Variants in CCNJ observed in about 807,000 individuals in gnomAD.
CCNJ encodes the protein cyclin J, also known as cyclin-J.
In CCNJ, 12 loss-of-function variants were observed where a neutral mutation model predicts 41.4. The ratio of observed to expected loss-of-function variants is 0.29; its 90% CI spans 0.19 to 0.47. The LOEUF (loss-of-function observed/expected upper bound fraction) is 0.47, where lower values mean the gene tolerates loss of function less well. Ranked by LOEUF, CCNJ falls within the 20% of genes least tolerant of loss-of-function variation. CCNJ has a pLI of 1.00. For synonymous variants in CCNJ, 161 were observed against 173.4 expected, an observed-to-expected ratio of 0.93 and a Z score of 0.56; for missense variants, 340 against 464.6, an observed-to-expected ratio of 0.73 and a Z score of 2.47.
At position 96,059,399 on chromosome 10, in the gene CCNJ, G is replaced by C. The variant is rs546380227; in HGVS notation, c.*1158G>C. On this transcript the variant is annotated 3_prime_UTR_variant, in exon 6 of 6. Transcript: ENST00000465148. ...AAAGGTAACTGATGACTAAATTTCA[G>C]TAGCTACTTTCATTGGATTGACCCT... The C allele has an allele frequency of 6.5e-6, 1 of 152,752 alleles. No individual in the cohort carries two copies. The highest frequency in any genetic ancestry group is 6.5e-5 in the Admixed American group (1 of 15,294). 9.5% of individuals were successfully genotyped at this position (152,752 alleles called of 1,614,324 possible).
At chr10:96,057,285 A>G in intron 5 of CCNJ, 38 bp downstream of exon 5, 1 of 1,578,820 alleles carries the variant, frequency 6.3e-7, no homozygotes, top group Non-Finnish European at 8.7e-7. Context: ...CTTTCTCATT[A>G]ACAGTTTTCT....
At chr10:96,055,936 T>G (rs2080673188) in intron 3 of CCNJ, among the ~76,000 whole-genome samples, 1 of 152,236 alleles carries the variant, frequency 6.6e-6, no homozygotes, top group African/African-American at 2.4e-5. Flanking sequence ...ATTGAGATTA[T>G]GTTGATGCCA....
chr10:96,052,288 T>G (rs905572603), intron 3 of CCNJ, among the ~76,000 whole-genome samples: 2 of 152,234 alleles, frequency 1.3e-5, no homozygotes, highest in African/African-American at 4.8e-5. Context: ...AGTTTAGATG[T>G]GTGAGTCCAC....
At position 96,059,375 on chromosome 10, in the gene CCNJ, A is replaced by C. The variant is rs376778882; in HGVS notation, c.*1134A>C. On this transcript the variant is annotated 3_prime_UTR_variant, in exon 6 of 6. Coordinates refer to ENST00000465148, the MANE Select transcript of CCNJ (RefSeq NM_001134375.2). Reference sequence around the variant, plus strand: ...CAGCTCTAGTCAGTCTAAGCAGGCAAAGGTAACTGATGACTAAATTTCAGT... The same window carrying C: ...CAGCTCTAGTCAGTCTAAGCAGGCACAGGTAACTGATGACTAAATTTCAGT... 2 of 152,658 alleles carry C rather than the reference A, an allele frequency of 1.3e-5. No homozygotes were observed. Among genetic ancestry groups the C allele is most frequent in the African/African-American group, 2.4e-5 (1 of 41,468 alleles). The allele number at this position is 152,658 out of a possible 1,614,324, so 9.5% of individuals were successfully genotyped here.
At chr10:96,055,084 C>T (rs768777298) in intron 3 of CCNJ, among the ~76,000 whole-genome samples, 2 of 152,136 alleles carry the variant, frequency 1.3e-5, no homozygotes, top group Non-Finnish European at 2.9e-5. Context: ...ATACAGACCA[C>T]TTTAGTGCTT....
In CCNJ at chr10:96,060,477, G is replaced by A. The variant is rs1305646180; in HGVS notation, c.*2236G>A. 6.5e-5 allele frequency: 10 copies of A among 152,706 alleles called. No homozygotes were observed. The highest frequency in any genetic ancestry group is 1.3e-4 in the Admixed American group (2 of 15,292). 9.5% of individuals were successfully genotyped at this position (152,706 alleles called of 1,614,324 possible). ...AATTGATTACTATTGCTGCATACCCGGGGTGGGATGGGGTGGTTGGAGAAC... is the reference window on the plus strand; with the variant it reads ...AATTGATTACTATTGCTGCATACCCAGGGTGGGATGGGGTGGTTGGAGAAC... On this transcript the variant is annotated 3_prime_UTR_variant, in exon 6 of 6. Transcript: ENST00000465148.
chr10:96,055,522 T>C (rs2080657864), intron 3 of CCNJ, among the ~76,000 whole-genome samples: 2 of 152,218 alleles, frequency 1.3e-5, no homozygotes, highest in African/African-American at 4.8e-5. Context: ...AGCCATCAGT[T>C]CTAGAAATAC....
At chr10:96,049,519 G>T (rs2080464555) in intron 2 of CCNJ, among the ~76,000 whole-genome samples, 2 of 114,204 alleles carry the variant, frequency 1.8e-5, no homozygotes, top group Admixed American at 9.8e-5. Flanking sequence ...GGGAAGTTCT[G>T]CTTTTGGTAT....
rs927314188 is a variant in CCNJ at position 96,059,235 on chromosome 10, G to C, written c.*994G>C. The C allele has an allele frequency of 1.3e-5, 2 of 152,682 alleles. No individual in the cohort carries two copies. The highest frequency in any genetic ancestry group is 4.8e-5 in the African/African-American group (2 of 41,462). The allele number at this position is 152,682 out of a possible 1,614,324, so 9.5% of individuals were successfully genotyped here. A position where few individuals can be genotyped will look rare whatever the true frequency, so the allele number is the denominator to read the frequency against. ...GCATAACTGTAAGAGGTCAGTGCTAGAATAAAGTCCTGTAGGTTTATTTTG... is the reference window on the plus strand; with the variant it reads ...GCATAACTGTAAGAGGTCAGTGCTACAATAAAGTCCTGTAGGTTTATTTTG... On this transcript the variant is annotated 3_prime_UTR_variant, in exon 6 of 6. Coordinates refer to ENST00000465148, the MANE Select transcript of CCNJ (RefSeq NM_001134375.2).
At chr10:96,048,102 T>C (rs1298282518) in intron 2 of CCNJ, among the ~76,000 whole-genome samples, 1 of 152,232 alleles carries the variant, frequency 6.6e-6, no homozygotes, top group Non-Finnish European at 1.5e-5. Context: ...TCCATCTCTC[T>C]GCAAAGGACG....
At chr10:96,050,925 T>C (rs1464407063) in intron 3 of CCNJ, among the ~76,000 whole-genome samples, 1 of 152,210 alleles carries the variant, frequency 6.6e-6, no homozygotes, top group East Asian at 1.9e-4. Context: ...TAGCATCTAG[T>C]ACATAGAGGC....
rs2142080334 is a variant in CCNJ at position 96,060,636 on chromosome 10, T to A, written c.*2395T>A. ...TAGTCTTTAAAGTAGGCTTTTTTTT[T>A]TTTTTTTGAGAATACTGGACCATCA... On this transcript the variant is annotated 3_prime_UTR_variant, in exon 6 of 6. Coordinates refer to ENST00000465148, the MANE Select transcript of CCNJ (RefSeq NM_001134375.2). The A allele has an allele frequency of 6.6e-6, 1 of 152,334 alleles. No homozygotes were observed. The highest frequency in any genetic ancestry group is 2.1e-4 in the South Asian group (1 of 4,812). The allele number at this position is 152,334 out of a possible 1,614,324, so 9.4% of individuals were successfully genotyped here.
At chr10:96,043,268 G>C (rs867740224), upstream of CCNJ, 1 of 239,732 alleles carries the variant, frequency 4.2e-6, no homozygotes, top group African/African-American at 2.3e-5. Flanking sequence ...TCACTGCAGT[G>C]ATCCACCTTA....
chr10:96,044,640 A>T (rs1231927980), intron 2 of CCNJ, among the ~76,000 whole-genome samples, 178 bp downstream of exon 2: 2 of 152,226 alleles, frequency 1.3e-5, no homozygotes, highest in African/African-American at 4.8e-5. Context: ...GGGATGTATC[A>T]AAAGAACCTG....
Position 96,056,864 on chromosome 10 carries a change from C to G in CCNJ, c.444C>G (p.Ala148=). The G allele has an allele frequency of 4.3e-6, 7 of 1,614,152 alleles. No individual in the cohort carries two copies. The highest frequency in any genetic ancestry group is 5.1e-6 in the Non-Finnish European group (6 of 1,180,028). ...GGAACCTCTGCCTTCCAACAGCCGCCCATTTCATTGAGTATTATCTCTCTG... is the reference window on the plus strand; with the variant it reads ...GGAACCTCTGCCTTCCAACAGCCGCGCATTTCATTGAGTATTATCTCTCTG... The part of the protein sequence containing the change: ...FQWNLCLPTA[A]HFIEYYLSEA... The change falls in exon 4 of 6, where the codon GCC becomes GCG. Residue 148 remains alanine, a synonymous_variant. Transcript: ENST00000465148.
chr10:96,058,278 G>A lies in CCNJ; in HGVS notation c.*37G>A. On this transcript the variant is annotated 3_prime_UTR_variant, in exon 6 of 6. Coordinates refer to ENST00000465148, the MANE Select transcript of CCNJ (RefSeq NM_001134375.2). Reference sequence around the variant, plus strand: ...GCTGATAACCGACCCAGACTGCTTTGTGACATGAAGCTATGGGTAAGCGTT... The same window carrying A: ...GCTGATAACCGACCCAGACTGCTTTATGACATGAAGCTATGGGTAAGCGTT... 2.6e-6 allele frequency: 4 copies of A among 1,564,204 alleles called. No individual in the cohort carries two copies. The highest frequency in any genetic ancestry group is 3.5e-6 in the Non-Finnish European group (4 of 1,146,902).
At chr10:96,044,296 GGGCGCAGAGGGTCGCGGGGGAGCC>G in intron 1 of CCNJ, 33 bp from the exon 2 acceptor site, 1 of 978,592 alleles carries the variant, frequency 1.0e-6, no homozygotes, top group African/African-American at 1.7e-5. Flanking sequence ...CCCGGGGAGG[GGGCGCAGAGGGTCGCGGGGGAGCC>G]GGCAGTGACC....
At chr10:96,048,394 C>T (rs967235924) in intron 2 of CCNJ, among the ~76,000 whole-genome samples, 3 of 152,176 alleles carry the variant, frequency 2.0e-5, no homozygotes, top group African/African-American at 7.2e-5. Context: ...AATTTACACT[C>T]CCACCAACAG....
intron 3 of CCNJ, among the ~76,000 whole-genome samples, chr10:96,055,971 A>G (rs964169784): frequency 1.6e-4 from 24 of 152,270 alleles, no homozygotes; most frequent in African/African-American, 5.1e-4. Flanking sequence ...GAGCTTAACT[A>G]TTTTTTATTT....
Sources: allele counts gnomAD v4.1 joint callset (sites outside exome capture counted in the v4.1 genomes callset), GRCh38; gene constraint gnomAD v4.1.1; transcripts MANE v1.5; gene names NCBI Gene and HGNC (gene_info 2026-07-23, HGNC 2026-07-21).